ADGRL3: variants seen among roughly 807,000 people sequenced by gnomAD.
The protein encoded by ADGRL3 is adhesion G protein-coupled receptor L3.
Under a neutral mutation model 153.5 loss-of-function variants are expected in ADGRL3, and 62 were observed. The observed-to-expected ratio is 0.40, with a 90% CI of 0.33 to 0.50. The LOEUF (loss-of-function observed/expected upper bound fraction) is 0.50, where lower values mean the gene tolerates loss of function less well. Among genes scored for constraint, ADGRL3 ranks in the 20% least tolerant of loss-of-function variants. ADGRL3 has a pLI of 0.47. For missense variants in ADGRL3, 1,641 were observed against 1,859.4 expected (o/e 0.88, Z 2.16); for synonymous variants, 710 against 672.5 (o/e 1.06, Z -0.86).
rs1377895146 is a variant in ADGRL3 at position 61,813,840 on chromosome 4, T to G, written c.1431T>G (p.Ile477Met). The stretch of plus-strand genomic sequence containing the variant: ...CACATCATGGACAAGTTTCATACAT[T>G]TCTCCGCCAATTCACCTTGACTCTG... The part of the protein sequence containing the change: ...GQAHHGQVSY[I>M]SPPIHLDSEL... The change falls in exon 9 of 27, where the codon ATT becomes ATG. Residue 477 changes from isoleucine (I) to methionine (M), a missense_variant. Physicochemically the swap from Ile to Met is conservative, Grantham distance 10. Transcript: ENST00000683033. 4 of 1,575,126 alleles carry G rather than the reference T, an allele frequency of 2.5e-6. No homozygotes were observed. Among genetic ancestry groups the G allele is most frequent in the Non-Finnish European group, 3.5e-6 (4 of 1,144,608 alleles).
At chr4:61,914,598 G>C (rs1163732029) in intron 13 of ADGRL3, among the ~76,000 whole-genome samples, 2 of 152,100 alleles carry the variant, frequency 1.3e-5, no homozygotes, top group East Asian at 1.9e-4. Flanking sequence ...TGTGTCTTGG[G>C]ATCCTTCCTT....
intron 9 of ADGRL3, among the ~76,000 whole-genome samples, chr4:61,851,073 A>G (rs961134849): frequency 7.6e-5 from 11 of 144,820 alleles, no homozygotes; most frequent in Middle Eastern, 3.5e-3. Flanking sequence ...CCTCATATCC[A>G]TTATTTTTAA....
At position 61,948,213 on chromosome 4, in the gene ADGRL3, T is replaced by C. The variant is rs758106751; in HGVS notation, c.2742T>C (p.His914=). ...GGCTCCTGACAACAAATAAGACACA[T>C]ACTACATGCTCTTGTAACCACCTAA... ...GCRLLTTNKT[H]TTCSCNHLTN... Residue 914 remains histidine, a synonymous_variant, in exon 17 of 27, where the codon CAT becomes CAC. Transcript: ENST00000683033. 1 of 1,613,826 alleles carries C rather than the reference T, an allele frequency of 6.2e-7. No homozygotes were observed. The highest frequency in any genetic ancestry group is 8.5e-7 in the Non-Finnish European group (1 of 1,179,834).
chr4:61,294,571 A>C (rs1486165149), intron 1 of ADGRL3, among the ~76,000 whole-genome samples: 1 of 152,108 alleles, frequency 6.6e-6, no homozygotes, highest in Non-Finnish European at 1.5e-5. Flanking sequence ...GCATCGTGGT[A>C]ATTGATAGTG....
At chr4:61,774,406 TAAAA>T (rs534824550) in intron 8 of ADGRL3, among the ~76,000 whole-genome samples, 7 of 133,950 alleles carry the variant, frequency 5.2e-5, no homozygotes, top group Non-Finnish European at 1.2e-4. Context: ...AAGGGAAACA[TAAAA>T]AAAAAATAAA....
chr4:61,778,648 C>G lies in ADGRL3; in HGVS notation c.1400-35161C>G, dbSNP rs114317431. Among the ~76,000 whole-genome samples the G allele has an allele frequency of 7.0e-3, 1,065 of 152,250 alleles. 19 individuals carry two copies. The highest frequency in any genetic ancestry group is 0.024 in the African/African-American group (1,011 of 41,530). ...CTTGGAAGGAATAGGTGGGTATATT[C>G]ATCGAACCTTGTTATTATTAATATT... On this transcript the variant is annotated intron_variant, in intron 8 of 26. Coordinates refer to ENST00000683033, the MANE Select transcript of ADGRL3 (RefSeq NM_001387552.1).
rs548740060 is a variant in ADGRL3, at chr4:61,646,154, C to A, written c.474-30672C>A. ...GCTCCATCAGCTCCTTTAAGCACTTCTCTGTATTGGTTATTCTAGTTATAC... is the reference window on the plus strand; with the variant it reads ...GCTCCATCAGCTCCTTTAAGCACTTATCTGTATTGGTTATTCTAGTTATAC... On this transcript the variant is annotated intron_variant, in intron 5 of 26. Coordinates refer to ENST00000683033, the MANE Select transcript of ADGRL3 (RefSeq NM_001387552.1). Among the ~76,000 whole-genome samples the A allele has an allele frequency of 3.5e-3, 533 of 152,064 alleles. 2 individuals are homozygous for A. Among genetic ancestry groups the A allele is most frequent in the Non-Finnish European group, 6.3e-3 (429 of 67,956 alleles).
chr4:61,768,995 G>A (rs1195689906), intron 8 of ADGRL3, among the ~76,000 whole-genome samples: 3 of 151,494 alleles, frequency 2.0e-5, no homozygotes, highest in African/African-American at 4.9e-5. Context: ...TGATTGGGGG[G>A]TTCTTGCCCC....
At chr4:61,613,764 G>C (rs1010445589) in intron 5 of ADGRL3, among the ~76,000 whole-genome samples, 1 of 152,106 alleles carries the variant, frequency 6.6e-6, no homozygotes, top group African/African-American at 2.4e-5. Flanking sequence ...ACATGTTGTA[G>C]TAATACATTT....
intron 15 of ADGRL3, 81 bp from the exon 16 acceptor site, chr4:61,946,833 A>G: frequency 9.3e-7 from 1 of 1,078,404 alleles, no homozygotes. Flanking sequence ...TACATACTAC[A>G]TGGATTTAAT....
chr4:61,273,056 G>C (rs1027302271), intron 1 of ADGRL3, among the ~76,000 whole-genome samples: 1 of 152,124 alleles, frequency 6.6e-6, no homozygotes, highest in African/African-American at 2.4e-5. Flanking sequence ...TAAAACCTAG[G>C]TAGGATTGTT....
chr4:61,958,614 T>C (rs1268277577), intron 17 of ADGRL3, among the ~76,000 whole-genome samples: 1 of 152,062 alleles, frequency 6.6e-6, no homozygotes, highest in African/African-American at 2.4e-5. Context: ...GGCACTTTCT[T>C]CACAAGGTGG....
intron 2 of ADGRL3, among the ~76,000 whole-genome samples, chr4:61,412,316 G>C (rs1427157923): frequency 6.6e-6 from 1 of 152,072 alleles, no homozygotes; most frequent in Non-Finnish European, 1.5e-5. Flanking sequence ...TCGAACTCCT[G>C]AGCTCAAGCA....
At chr4:61,497,534 C>G (rs2880589) in intron 3 of ADGRL3, among the ~76,000 whole-genome samples, 186 bp downstream of exon 3, 107,610 of 118,930 alleles carry the variant, frequency 0.9, 48,597 homozygotes, top group South Asian at 0.96. Context: ...TTTTTTTTTT[C>G]AGTCAGAGCC....
intron 4 of ADGRL3, among the ~76,000 whole-genome samples, chr4:61,521,503 T>G (rs1204267663): frequency 6.6e-6 from 1 of 152,104 alleles, no homozygotes; most frequent in African/African-American, 2.4e-5. Context: ...AGTGACACAT[T>G]TGAAGAATTA....
At chr4:61,806,514 C>A (rs1458798616) in intron 8 of ADGRL3, among the ~76,000 whole-genome samples, 1 of 151,660 alleles carries the variant, frequency 6.6e-6, no homozygotes, top group African/African-American at 2.4e-5. Context: ...TAGTATTTTT[C>A]TATCTAATAT....
At chr4:61,607,620 CTTAAGTTCTACACTAGTGATA>C in intron 5 of ADGRL3, among the ~76,000 whole-genome samples, 1 of 151,678 alleles carries the variant, frequency 6.6e-6, no homozygotes, top group Non-Finnish European at 1.5e-5. Flanking sequence ...CAAACAAAAT[CTTAAGTTCTACACTAGTGATA>C]TTACCTACAA....
At chr4:62,052,659 A>C (rs1990689) in intron 25 of ADGRL3, among the ~76,000 whole-genome samples, 100,991 of 150,956 alleles carry the variant, frequency 0.67, 34,219 homozygotes, top group Non-Finnish European at 0.71. Flanking sequence ...TTTGTAGAAT[A>C]TTTTTTATTT....
At chr4:61,305,498 G>C (rs1055589315) in intron 1 of ADGRL3, among the ~76,000 whole-genome samples, 1 of 152,166 alleles carries the variant, frequency 6.6e-6, no homozygotes, top group Admixed American at 6.5e-5. Flanking sequence ...TGGAGTTGGA[G>C]GGTCTGGGGC....
Sources: gnomAD v4.1 joint callset for allele counts (sites outside exome capture counted in the v4.1 genomes callset) on GRCh38, gnomAD v4.1.1 for gene constraint, MANE v1.5 for transcripts, NCBI Gene and HGNC (gene_info 2026-07-23, HGNC 2026-07-21) for gene names.